BCAP29: variants seen among roughly 807,000 people sequenced by gnomAD.
BCAP29 encodes the protein B cell receptor associated protein 29.
In BCAP29, 34 loss-of-function variants were observed where a neutral mutation model predicts 31.8. The observed-to-expected ratio is 1.07, with a 90% CI of 0.81 to 1.42. The LOEUF (loss-of-function observed/expected upper bound fraction) is 1.42, where lower values mean the gene tolerates loss of function less well. BCAP29 is among the 40% of genes most tolerant of loss of function. BCAP29 has a pLI of 0.00. For missense variants in BCAP29, 314 were observed against 269.2 expected (o/e 1.17, Z -1.16); for synonymous variants, 104 against 91.3 (o/e 1.14, Z -0.79).
intron 7 of BCAP29, among the ~76,000 whole-genome samples, chr7:107,616,988 C>G (rs868360407): frequency 3.3e-5 from 5 of 152,306 alleles, no homozygotes; most frequent in Admixed American, 6.5e-5. Flanking sequence ...ATCCGCCCAC[C>G]TGGGCCTTCC....
At chr7:107,596,511 T>C (rs1314679549) in intron 5 of BCAP29, among the ~76,000 whole-genome samples, 1 of 152,234 alleles carries the variant, frequency 6.6e-6, no homozygotes, top group Non-Finnish European at 1.5e-5. Flanking sequence ...TTCTATCTTT[T>C]GATCTCATTT....
chr7:107,617,758 C>A (rs183304154), intron 7 of BCAP29, among the ~76,000 whole-genome samples: 6 of 152,294 alleles, frequency 3.9e-5, no homozygotes, highest in Admixed American at 3.9e-4. Context: ...TGACGAACTT[C>A]TTTATACAAG....
intron 3 of BCAP29, among the ~76,000 whole-genome samples, chr7:107,592,175 T>C (rs1208093472): frequency 6.6e-6 from 1 of 152,174 alleles, no homozygotes; most frequent in East Asian, 1.9e-4. Context: ...CATAACTATA[T>C]GTAATGAGTA....
chr7:107,610,115 G>A (rs919344277), intron 6 of BCAP29, among the ~76,000 whole-genome samples: 1 of 152,162 alleles, frequency 6.6e-6, no homozygotes, highest in Non-Finnish European at 1.5e-5. Flanking sequence ...GACAACAAAT[G>A]TTTTTGCTTA....
intron 6 of BCAP29, among the ~76,000 whole-genome samples, chr7:107,601,441 CT>C (rs1811157006): frequency 6.6e-6 from 1 of 152,084 alleles, no homozygotes; most frequent in Non-Finnish European, 1.5e-5. Flanking sequence ...ATACAAAATT[CT>C]TTAGTCACGT....
intron 2 of BCAP29, among the ~76,000 whole-genome samples, chr7:107,582,664 G>A (rs1055943074): frequency 3.9e-5 from 6 of 152,086 alleles, no homozygotes; most frequent in Non-Finnish European, 7.4e-5. Context: ...GATAAAACAT[G>A]TAAAAGTACT....
At position 107,591,657 on chromosome 7, in the gene BCAP29, C is replaced by CACACACACACACACACACACACACACACA; in HGVS notation, c.194-2298_194-2297insACACACACACACACACACACACACACACA. On this transcript the variant is annotated intron_variant, in intron 3 of 7. Transcript: ENST00000005259. Reference sequence around the variant, plus strand: ...ATACACACATACACACACACACACACCCTATTGGTTCTTTTTCCCTGGAGA... The same window carrying CACACACACACACACACACACACACACACA: ...ATACACACATACACACACACACACACACACACACACACACACACACACACACACACCTATTGGTTCTTTTTCCCTGGAGA... 6.7e-4 allele frequency among the ~76,000 whole-genome samples: 47 copies of CACACACACACACACACACACACACACACA among 69,746 alleles called. 1 individual carries two copies. The highest frequency in any genetic ancestry group is 1.2e-3 in the East Asian group (3 of 2,406). 45.8% of individuals were successfully genotyped at this position (69,746 alleles called of 152,430 possible).
intron 7 of BCAP29, among the ~76,000 whole-genome samples, chr7:107,614,288 C>T (rs1311748515): frequency 1.3e-5 from 2 of 152,174 alleles, no homozygotes; most frequent in Non-Finnish European, 1.5e-5. Context: ...TGGCACAAGG[C>T]AAGCATACAC....
intron 6 of BCAP29, among the ~76,000 whole-genome samples, chr7:107,611,684 C>T (rs1362677440): frequency 6.6e-6 from 1 of 152,178 alleles, no homozygotes; most frequent in Non-Finnish European, 1.5e-5. Flanking sequence ...ATCTAACCAT[C>T]CCCAAAAGTG....
At chr7:107,593,432 T>C (rs900930655) in intron 3 of BCAP29, among the ~76,000 whole-genome samples, 1 of 152,056 alleles carries the variant, frequency 6.6e-6, no homozygotes, top group Non-Finnish European at 1.5e-5. Flanking sequence ...GTCGGAGGAG[T>C]GTATGCCACC....
chr7:107,610,023 T>C (rs1489993365), intron 6 of BCAP29, among the ~76,000 whole-genome samples: 2 of 152,224 alleles, frequency 1.3e-5, no homozygotes, highest in Non-Finnish European at 2.9e-5. Flanking sequence ...AGTGATACAA[T>C]ACATTTACAC....
downstream of BCAP29, chr7:107,620,969 T>C (rs1352979492): frequency 1.3e-5 from 2 of 152,310 alleles, no homozygotes; most frequent in Non-Finnish European, 2.9e-5. Context: ...GTTAGTGGTC[T>C]CTGCTTTCCT....
chr7:107,585,519 T>C (rs1807491324), intron 3 of BCAP29, among the ~76,000 whole-genome samples: 2 of 152,192 alleles, frequency 1.3e-5, no homozygotes, highest in Non-Finnish European at 1.5e-5. Flanking sequence ...GAAATGGCTT[T>C]TATTTCCTGG....
At chr7:107,621,980 C>G, downstream of BCAP29, 1 of 495,932 alleles carries the variant, frequency 2.0e-6, no homozygotes, top group South Asian at 1.6e-5. Flanking sequence ...AAAACAGTTA[C>G]TCTTTAACAC....
At chr7:107,594,539 T>TA (rs1389809262) in intron 4 of BCAP29, among the ~76,000 whole-genome samples, 9 of 152,154 alleles carry the variant, frequency 5.9e-5, no homozygotes, top group African/African-American at 1.9e-4. Context: ...TCTCGCTTTG[T>TA]CGCCCAGACT....
intron 6 of BCAP29, among the ~76,000 whole-genome samples, chr7:107,602,158 G>C (rs1811289456): frequency 6.6e-6 from 1 of 152,196 alleles, no homozygotes; most frequent in African/African-American, 2.4e-5. Flanking sequence ...TACTTTCAAA[G>C]TGAATTAGTG....
In BCAP29 at chr7:107,618,498, G is replaced by T; in HGVS notation, c.*135G>T. 1.2e-6 allele frequency: 2 copies of T among 1,611,910 alleles called. No individual in the cohort carries two copies. Among genetic ancestry groups the T allele is most frequent in the Non-Finnish European group, 1.7e-6 (2 of 1,178,454 alleles). On this transcript the variant is annotated 3_prime_UTR_variant, in exon 8 of 8. Transcript: ENST00000005259. The stretch of plus-strand genomic sequence containing the variant: ...TTTAATGCCACACATAGGTTGTATT[G>T]TAATGGCATTATCAAAATATTTGAT...
chr7:107,583,986 A>C lies in BCAP29; in HGVS notation c.193+4A>C, dbSNP rs1314735165. The stretch of plus-strand genomic sequence containing the variant: ...CTATTGATTGTTCTATTTCTAGGTA[A>C]GTACTAGATCCCTTCTTTGAATAAA... On this transcript the variant is annotated splice_donor_region_variant and intron_variant, in intron 3 of 7. Coordinates refer to ENST00000005259, the MANE Select transcript of BCAP29 (RefSeq NM_018844.4). 4 of 1,463,172 alleles carry C rather than the reference A, an allele frequency of 2.7e-6. No individual in the cohort carries two copies. Among genetic ancestry groups the C allele is most frequent in the Non-Finnish European group, 3.8e-6 (4 of 1,066,162 alleles). 90.6% of individuals were successfully genotyped at this position (1,463,172 alleles called of 1,614,324 possible).
intron 5 of BCAP29, 102 bp from the exon 6 acceptor site, chr7:107,600,295 A>G: frequency 1.4e-6 from 1 of 733,992 alleles, no homozygotes; most frequent in South Asian, 1.5e-5. Context: ...AGAATAAATT[A>G]TAAACAGGTA....
Sources: gnomAD v4.1 joint callset for allele counts (sites outside exome capture counted in the v4.1 genomes callset) on GRCh38, gnomAD v4.1.1 for gene constraint, MANE v1.5 for transcripts, NCBI Gene and HGNC (gene_info 2026-07-23, HGNC 2026-07-21) for gene names.